The following SUSD6 variants were observed in gnomAD, a reference collection of about 807,000 sequenced individuals.
SUSD6 encodes sushi domain-containing protein 6.
A neutral mutation model predicts 28.4 loss-of-function variants in SUSD6; 16 were observed. That is an observed-to-expected ratio of 0.56 (90% confidence interval 0.38 to 0.86). The LOEUF is 0.86. SUSD6 is among the 40% of genes least tolerant of loss of function. The probability of loss-of-function intolerance (pLI) is 0.00; values close to 1 mark genes in which losing one functional copy is unlikely to be tolerated. For synonymous variants in SUSD6, 147 were observed against 159.6 expected (o/e 0.92, Z 0.59); for missense variants, 341 against 384.2 (o/e 0.89, Z 0.94).
rs774562375 is a variant in SUSD6, at chr14:69,658,601, T to C, written c.9T>C (p.His3=). The C allele has an allele frequency of 7.4e-6, 12 of 1,614,204 alleles. No individual in the cohort carries two copies. Among genetic ancestry groups the C allele is most frequent in the Non-Finnish European group, 1.0e-5 (12 of 1,180,016 alleles). The change falls in exon 2 of 6, where the codon CAT becomes CAC. Residue 3 remains histidine, a synonymous_variant. Coordinates refer to ENST00000342745, the MANE Select transcript of SUSD6 (RefSeq NM_014734.4). MC[H]GRIAPKSTSV... ...ACTTGGACGGATAAAAGATGTGCCA[T>C]GGCAGGATAGCACCAAAGAGCACCT...
chr14:69,663,010 T>C (rs1351785211), intron 2 of SUSD6, among the ~76,000 whole-genome samples: 1 of 152,222 alleles, frequency 6.6e-6, no homozygotes, highest in South Asian at 2.1e-4. Context: ...TATTCTTTGC[T>C]GTCATTGAAA....
At chr14:69,638,886 C>G (rs1000941049) in intron 1 of SUSD6, among the ~76,000 whole-genome samples, 1 of 152,150 alleles carries the variant, frequency 6.6e-6, no homozygotes, top group African/African-American at 2.4e-5. Context: ...TTAGGCGGGC[C>G]CCTCTTATCT....
chr14:69,646,883 AG>A (rs1344920581), intron 1 of SUSD6, among the ~76,000 whole-genome samples: 1 of 151,826 alleles, frequency 6.6e-6, no homozygotes, highest in Non-Finnish European at 1.5e-5. Context: ...TTGTATTTTT[AG>A]TAGAGACGGG....
At chr14:69,703,368 A>G in intron 2 of SUSD6, 27 bp from the exon 3 acceptor site, 1 of 1,591,706 alleles carries the variant, frequency 6.3e-7, no homozygotes, top group South Asian at 1.1e-5. Flanking sequence ...TCACCACTGT[A>G]CCCCTGCTCT....
chr14:69,691,459 C>T (rs1886151778), intron 2 of SUSD6, among the ~76,000 whole-genome samples: 1 of 152,236 alleles, frequency 6.6e-6, no homozygotes, highest in Non-Finnish European at 1.5e-5. Context: ...CAGTGGATTT[C>T]TGTTACCATC....
At position 69,672,713 on chromosome 14, in the gene SUSD6, C is replaced by T. The variant is rs145779273; in HGVS notation, c.121+14000C>T. 1.8e-3 allele frequency among the ~76,000 whole-genome samples: 271 copies of T among 152,312 alleles called. 2 individuals are homozygous for T. In the East Asian group the frequency reaches 0.019, roughly 11 times the overall value. ...ATGTTGAAACTTCACAGAGCACCCCCGAGTGTCCTGCTCAGGCCAGTTTTG... is the reference window on the plus strand; with the variant it reads ...ATGTTGAAACTTCACAGAGCACCCCTGAGTGTCCTGCTCAGGCCAGTTTTG... On this transcript the variant is annotated intron_variant, in intron 2 of 5. Coordinates refer to ENST00000342745, the MANE Select transcript of SUSD6 (RefSeq NM_014734.4).
At chr14:69,675,536 T>G (rs1885894759) in intron 2 of SUSD6, among the ~76,000 whole-genome samples, 1 of 89,446 alleles carries the variant, frequency 1.1e-5, no homozygotes. Context: ...AACTTCAGTT[T>G]CTGTGCTTTT....
chr14:69,622,360 G>A (rs1488767613), intron 1 of SUSD6, among the ~76,000 whole-genome samples: 1 of 151,984 alleles, frequency 6.6e-6, no homozygotes, highest in African/African-American at 2.4e-5. Flanking sequence ...CAGAGACGGG[G>A]TTTTGCCATG....
chr14:69,707,010 TAAAA>T (rs535172609), intron 4 of SUSD6, among the ~76,000 whole-genome samples: 2 of 137,720 alleles, frequency 1.5e-5, no homozygotes, highest in Non-Finnish European at 3.2e-5. Context: ...CTGGACTCTT[TAAAA>T]AAAAAAAAAA....
At chr14:69,643,600 G>A (rs1885384351) in intron 1 of SUSD6, among the ~76,000 whole-genome samples, 1 of 152,178 alleles carries the variant, frequency 6.6e-6, no homozygotes, top group Non-Finnish European at 1.5e-5. Flanking sequence ...GTCAGAATTG[G>A]TGAGCAAACA....
chr14:69,631,176 G>T (rs948293044), intron 1 of SUSD6, among the ~76,000 whole-genome samples: 1 of 152,128 alleles, frequency 6.6e-6, no homozygotes, highest in African/African-American at 2.4e-5. Context: ...GCCCTCACAT[G>T]TGCATGTTCA....
chr14:69,615,418 C>G (rs1884945273), intron 1 of SUSD6: 1 of 152,202 alleles, frequency 6.6e-6, no homozygotes, highest in Non-Finnish European at 1.5e-5. Flanking sequence ...GGGAAAGGTG[C>G]CTCTTACAAG....
chr14:69,654,925 G>T (rs1885559487), intron 1 of SUSD6, among the ~76,000 whole-genome samples: 1 of 151,582 alleles, frequency 6.6e-6, no homozygotes, highest in East Asian at 1.9e-4. Flanking sequence ...CTCCTGAGTA[G>T]CTGGGATTAC....
intron 1 of SUSD6, among the ~76,000 whole-genome samples, chr14:69,637,740 C>T (rs531572695): frequency 5.3e-5 from 8 of 152,290 alleles, no homozygotes; most frequent in Middle Eastern, 6.8e-3. Flanking sequence ...CAGGCAAGCA[C>T]GTGCAGATTG....
chr14:69,665,200 AAC>A (rs1364109307), intron 2 of SUSD6, among the ~76,000 whole-genome samples: 1 of 152,184 alleles, frequency 6.6e-6, no homozygotes, highest in Non-Finnish European at 1.5e-5. Flanking sequence ...CAGCTAATTT[AAC>A]ACATGAAAAT....
intron 1 of SUSD6, among the ~76,000 whole-genome samples, chr14:69,617,930 G>C (rs1186115612): frequency 6.6e-6 from 1 of 152,156 alleles, no homozygotes; most frequent in Non-Finnish European, 1.5e-5. Flanking sequence ...AGCCCCCACA[G>C]GGCTTTTCCA....
At chr14:69,650,824 G>A (rs144906353) in intron 1 of SUSD6, among the ~76,000 whole-genome samples, 2 of 152,266 alleles carry the variant, frequency 1.3e-5, no homozygotes, top group East Asian at 1.9e-4. Flanking sequence ...TGTACGGATA[G>A]TCCATACAAA....
In SUSD6 at chr14:69,677,817, A is replaced by G. The variant is rs143001878; in HGVS notation, c.121+19104A>G. Among the ~76,000 whole-genome samples, 1,273 of 152,342 alleles carry G rather than the reference A, an allele frequency of 8.4e-3. 20 individuals are homozygous for G. Among genetic ancestry groups the G allele is most frequent in the Non-Finnish European group, 7.3e-3 (498 of 68,032 alleles). The stretch of plus-strand genomic sequence containing the variant: ...CACCAAGTTACCAAATACCCTGTTA[A>G]GAAGTGATATGCCTTAGGTTGGAGG... On this transcript the variant is annotated intron_variant, in intron 2 of 5. Transcript: ENST00000342745.
At chr14:69,681,980 C>G (rs1886003342) in intron 2 of SUSD6, among the ~76,000 whole-genome samples, 1 of 152,134 alleles carries the variant, frequency 6.6e-6, no homozygotes, top group Non-Finnish European at 1.5e-5. Context: ...TAATGCTTGT[C>G]TTGTTACTTG....
Sources: gnomAD v4.1 joint callset for allele counts (sites outside exome capture counted in the v4.1 genomes callset) on GRCh38, gnomAD v4.1.1 for gene constraint, MANE v1.5 for transcripts, NCBI Gene and HGNC (gene_info 2026-07-23, HGNC 2026-07-21) for gene names.